RNF38: variants seen among roughly 807,000 people sequenced by gnomAD.
RNF38 encodes ring finger protein 38.
RNF38 carries 15 observed loss-of-function variants against 67.2 expected under a neutral mutation model. The observed-to-expected ratio is 0.22, with a 90% CI of 0.15 to 0.34. The LOEUF is 0.34. Ranked by LOEUF, RNF38 falls within the 10% of genes least tolerant of loss-of-function variation. RNF38 has a pLI of 1.00. For missense variants in RNF38, 524 were observed against 639.9 expected, an observed-to-expected ratio of 0.82 and a Z score of 1.95; for synonymous variants, 220 against 218.8, an observed-to-expected ratio of 1.01 and a Z score of -0.05.
intron 1 of RNF38, among the ~76,000 whole-genome samples, chr9:36,445,710 A>C (rs1839283921): frequency 6.6e-6 from 1 of 152,240 alleles, no homozygotes; most frequent in African/African-American, 2.4e-5. Context: ...CAGCTCTCTG[A>C]AAAGCCAGCC....
intron 6 of RNF38, among the ~76,000 whole-genome samples, chr9:36,355,697 A>G (rs1194754127): frequency 6.6e-6 from 1 of 152,240 alleles, no homozygotes; most frequent in Non-Finnish European, 1.5e-5. Flanking sequence ...AGGACTGCAG[A>G]TGTAATAGAA....
chr9:36,470,162 T>C (rs1384921347), intron 1 of RNF38, among the ~76,000 whole-genome samples: 2 of 151,954 alleles, frequency 1.3e-5, no homozygotes, highest in African/African-American at 4.8e-5. Context: ...CCCAGTGAGG[T>C]GAATCAAAAG....
Position 36,356,411 on chromosome 9 carries a change from A to G in RNF38, c.801T>C (p.Ile267=). Residue 267 remains isoleucine, a synonymous_variant, in exon 6 of 12, where the codon ATT becomes ATC. Coordinates refer to ENST00000259605, the MANE Select transcript of RNF38 (RefSeq NM_022781.5). ...PVPYAAFPPL[I]SSDPFLIHPP... ...GATGTATAAGAAATGGATCACTAGA[A>G]ATAAGGGGTGGGAATGCAGCATATG... is the stretch of plus-strand genomic sequence containing the variant. The G allele has an allele frequency of 1.2e-6, 2 of 1,613,950 alleles. No individual in the cohort carries two copies. Among genetic ancestry groups the G allele is most frequent in the Non-Finnish European group, 1.7e-6 (2 of 1,179,944 alleles).
chr9:36,454,098 A>G (rs1056121040), intron 1 of RNF38, among the ~76,000 whole-genome samples: 5 of 152,084 alleles, frequency 3.3e-5, no homozygotes, highest in East Asian at 3.9e-4. Context: ...ATGTACCTAC[A>G]ATACCACAAA....
chr9:36,448,936 G>A (rs1687409936), intron 1 of RNF38, among the ~76,000 whole-genome samples: 1 of 152,146 alleles, frequency 6.6e-6, no homozygotes. Context: ...GGAGGTTGCA[G>A]TGAGCCAAGA....
chr9:36,479,935 TTAAGTA>T (rs1840209474), intron 1 of RNF38, among the ~76,000 whole-genome samples: 2 of 152,122 alleles, frequency 1.3e-5, no homozygotes, highest in African/African-American at 4.8e-5. Flanking sequence ...CCCTGTCTCT[TTAAGTA>T]TGAGTTCCAA....
intron 9 of RNF38, among the ~76,000 whole-genome samples, chr9:36,349,348 T>A (rs368405007): frequency 6.6e-6 from 1 of 152,202 alleles, no homozygotes; most frequent in African/African-American, 2.4e-5. Context: ...GATATTTTAT[T>A]GTGGTTTTGA....
At chr9:36,442,371 C>T (rs1342001614) in intron 1 of RNF38, among the ~76,000 whole-genome samples, 1 of 152,138 alleles carries the variant, frequency 6.6e-6, no homozygotes, top group African/African-American at 2.4e-5. Context: ...AAATCCCTTC[C>T]CTCCATCCAC....
chr9:36,369,648 CCA>C, intron 4 of RNF38, 69 bp downstream of exon 4: 2 of 1,188,652 alleles, frequency 1.7e-6, no homozygotes, highest in Non-Finnish European at 2.3e-6. Context: ...CAACAAAAAG[CCA>C]AAAAAAAAAA....
At chr9:36,485,194 T>C (rs899843675) in intron 1 of RNF38, among the ~76,000 whole-genome samples, 2 of 152,076 alleles carry the variant, frequency 1.3e-5, no homozygotes. Flanking sequence ...AAATAAATAA[T>C]AAATAAAAAT....
chr9:36,389,485 G>C lies in RNF38; in HGVS notation c.162+982C>G, dbSNP rs544602273. 8.5e-5 allele frequency among the ~76,000 whole-genome samples: 13 copies of C among 152,214 alleles called. No homozygotes were observed. In the South Asian group the frequency reaches 2.7e-3, roughly 32 times the overall value. On this transcript the variant is annotated intron_variant, in intron 2 of 11. Coordinates refer to ENST00000259605, the MANE Select transcript of RNF38 (RefSeq NM_022781.5). ...TGCCAAATAACTACATATGTGATTA[G>C]ACACCTCACTGAGCTTTTCTTAGCC...
intron 1 of RNF38, among the ~76,000 whole-genome samples, chr9:36,463,163 GCTTA>G (rs2134382344): frequency 6.6e-6 from 1 of 152,174 alleles, no homozygotes; most frequent in East Asian, 1.9e-4. Flanking sequence ...GCATATTTAT[GCTTA>G]CTGTCTGTCT....
chr9:36,367,835 A>C (rs1241092963), intron 4 of RNF38, among the ~76,000 whole-genome samples: 1 of 152,186 alleles, frequency 6.6e-6, no homozygotes, highest in Non-Finnish European at 1.5e-5. Flanking sequence ...AGTTCTTTAA[A>C]GGTTAGACAA....
intron 6 of RNF38, among the ~76,000 whole-genome samples, chr9:36,355,400 T>TC (rs1331576930): frequency 1.3e-5 from 2 of 152,114 alleles, no homozygotes; most frequent in African/African-American, 4.8e-5. Context: ...TACTTATATC[T>TC]CCCAGTGTCC....
intron 2 of RNF38, among the ~76,000 whole-genome samples, chr9:36,390,016 C>T (rs1412124083): frequency 6.6e-6 from 1 of 152,172 alleles, no homozygotes; most frequent in Non-Finnish European, 1.5e-5. Flanking sequence ...AAATTTTTAA[C>T]TCACGTTTAC....
At chr9:36,426,971 A>C (rs1162264851) in intron 1 of RNF38, among the ~76,000 whole-genome samples, 1 of 152,266 alleles carries the variant, frequency 6.6e-6, no homozygotes, top group Non-Finnish European at 1.5e-5. Context: ...CAGCAATTCA[A>C]GAAATGGTAC....
At chr9:36,441,595 T>C (rs537793202) in intron 1 of RNF38, among the ~76,000 whole-genome samples, 18 of 152,302 alleles carry the variant, frequency 1.2e-4, no homozygotes, top group Admixed American at 9.2e-4. Flanking sequence ...GTGCTGGGAT[T>C]ACAGGCGTGA....
At chr9:36,345,682 A>T (rs1833174508) in intron 9 of RNF38, among the ~76,000 whole-genome samples, 1 of 152,222 alleles carries the variant, frequency 6.6e-6, no homozygotes, top group Non-Finnish European at 1.5e-5. Flanking sequence ...ACATCAAATG[A>T]CCAATTAACG....
chr9:36,457,542 C>A (rs1839622027), intron 1 of RNF38, among the ~76,000 whole-genome samples: 1 of 152,012 alleles, frequency 6.6e-6, no homozygotes, highest in South Asian at 2.1e-4. Flanking sequence ...ACTTTAAAGC[C>A]CTTATGTACA....
Sources: allele counts gnomAD v4.1 joint callset (sites outside exome capture counted in the v4.1 genomes callset), GRCh38; gene constraint gnomAD v4.1.1; transcripts MANE v1.5; gene names NCBI Gene and HGNC (gene_info 2026-07-23, HGNC 2026-07-21).